KIAA1958: variants seen among roughly 807,000 people sequenced by gnomAD.
KIAA1958 encodes the protein uncharacterized protein KIAA1958.
Under a neutral mutation model 47.2 loss-of-function variants are expected in KIAA1958, and 14 were observed. That is an observed-to-expected ratio of 0.30 (90% CI 0.20 to 0.46). The LOEUF is 0.46. KIAA1958 is among the 20% of genes least tolerant of loss of function. The probability of loss-of-function intolerance (pLI) is 1.00; values close to 1 mark genes in which losing one functional copy is unlikely to be tolerated. For missense variants in KIAA1958, 803 were observed against 909.2 expected (o/e 0.88, Z 1.50); for synonymous variants, 354 against 353.3 (o/e 1.00, Z -0.02).
At chr9:112,638,624 A>C (rs1308747110) in intron 2 of KIAA1958, among the ~76,000 whole-genome samples, 1 of 152,136 alleles carries the variant, frequency 6.6e-6, no homozygotes, top group Admixed American at 6.5e-5. Flanking sequence ...AAGCTTCTGG[A>C]ATCTGTAGAC....
intron 1 of KIAA1958, among the ~76,000 whole-genome samples, chr9:112,507,708 T>C (rs1046537231): frequency 6.6e-6 from 1 of 152,186 alleles, no homozygotes; most frequent in Non-Finnish European, 1.5e-5. Context: ...ATCAAACATC[T>C]ATACCTATAA....
In KIAA1958 at chr9:112,521,086, TA is replaced by T. The variant is rs952677198; in HGVS notation, c.-25+33975del. On this transcript the variant is annotated intron_variant, in intron 1 of 3. Transcript: ENST00000337530. The stretch of plus-strand genomic sequence containing the variant: ...TAATATTTAAACAATATTTTTCAAT[TA>T]AAAAAATTTTCTAATAAAGGCATGT... Among the ~76,000 whole-genome samples, 437 of 152,294 alleles carry T rather than the reference TA, an allele frequency of 2.9e-3. 3 individuals carry two copies. The highest frequency in any genetic ancestry group is 1.0e-2 in the African/African-American group (414 of 41,558).
intron 1 of KIAA1958, among the ~76,000 whole-genome samples, chr9:112,546,288 A>C (rs1213260837): frequency 6.6e-6 from 1 of 152,220 alleles, no homozygotes; most frequent in Non-Finnish European, 1.5e-5. Context: ...TCATCATGGC[A>C]ATGTAGGGAA....
chr9:112,610,793 AATAAC>A (rs1221130329), intron 2 of KIAA1958, among the ~76,000 whole-genome samples: 2 of 152,180 alleles, frequency 1.3e-5, no homozygotes, highest in Non-Finnish European at 2.9e-5. Flanking sequence ...ATGTAACAGA[AATAAC>A]ATAAAATAGA....
chr9:112,488,384 G>A (rs1833907040), intron 1 of KIAA1958, among the ~76,000 whole-genome samples: 1 of 152,154 alleles, frequency 6.6e-6, no homozygotes. Context: ...CGGTTGCTGT[G>A]TATTGTAGAT....
intron 1 of KIAA1958, among the ~76,000 whole-genome samples, chr9:112,565,878 C>T (rs1192692776): frequency 2.0e-5 from 3 of 152,290 alleles, no homozygotes; most frequent in South Asian, 4.1e-4. Flanking sequence ...ATAAAAGCAA[C>T]TTAATGTTTA....
rs1486849079 is a variant in KIAA1958, at chr9:112,663,473, T to G, written c.*3404T>G. ...CCACTTATTTCTTCCATTATGGAGA[T>G]TCTGTCTCCCTTAAACTGTTAAACT... On this transcript the variant is annotated 3_prime_UTR_variant, in exon 4 of 4. Transcript: ENST00000337530. 6.6e-6 allele frequency: 1 copy of G among 152,228 alleles called. No homozygotes were observed. The highest frequency in any genetic ancestry group is 1.9e-4 in the East Asian group (1 of 5,208). 9.4% of individuals were successfully genotyped at this position (152,228 alleles called of 1,614,324 possible).
rs116486255 is a variant in KIAA1958 at position 112,596,126 on chromosome 9, G to A, written c.1171+20875G>A. On this transcript the variant is annotated intron_variant, in intron 2 of 3. Transcript: ENST00000337530. ...ATGGAGTATACAGTAAAAAAAGCTGGGACCTCTAGGACAACAAGTGAAATG... is the reference window on the plus strand; with the variant it reads ...ATGGAGTATACAGTAAAAAAAGCTGAGACCTCTAGGACAACAAGTGAAATG... Among the ~76,000 whole-genome samples the A allele has an allele frequency of 6.2e-3, 939 of 152,102 alleles. 18 individuals carry two copies. The highest frequency in any genetic ancestry group is 0.021 in the African/African-American group (883 of 41,486).
At chr9:112,523,063 C>A (rs1834576473) in intron 1 of KIAA1958, among the ~76,000 whole-genome samples, 1 of 152,176 alleles carries the variant, frequency 6.6e-6, no homozygotes, top group Non-Finnish European at 1.5e-5. Flanking sequence ...CACAGCACAG[C>A]TAGATACCAT....
chr9:112,571,317 T>C (rs1297357976), intron 1 of KIAA1958, among the ~76,000 whole-genome samples: 2 of 152,194 alleles, frequency 1.3e-5, no homozygotes, highest in African/African-American at 4.8e-5. Context: ...AATAACAAGG[T>C]AATAGTTCCA....
intron 1 of KIAA1958, among the ~76,000 whole-genome samples, chr9:112,542,388 T>G (rs964282019): frequency 2.0e-5 from 3 of 152,120 alleles, no homozygotes; most frequent in African/African-American, 7.2e-5. Flanking sequence ...AAGAATATAT[T>G]CATGAATATA....
chr9:112,502,823 C>G (rs1016766538), intron 1 of KIAA1958, among the ~76,000 whole-genome samples: 3 of 152,060 alleles, frequency 2.0e-5, no homozygotes, highest in Admixed American at 6.6e-5. Flanking sequence ...GTTTGCTGAC[C>G]CCTGCATTAG....
intron 1 of KIAA1958, among the ~76,000 whole-genome samples, chr9:112,554,428 G>A (rs1291122471): frequency 6.6e-6 from 1 of 152,046 alleles, no homozygotes; most frequent in Non-Finnish European, 1.5e-5. Context: ...AACCCGGGAG[G>A]CAGAGGTTGC....
intron 2 of KIAA1958, among the ~76,000 whole-genome samples, chr9:112,628,511 C>A (rs1836657468): frequency 6.6e-6 from 1 of 152,150 alleles, no homozygotes; most frequent in African/African-American, 2.4e-5. Context: ...TACCTCTGTC[C>A]ATTGGCCTCC....
chr9:112,565,914 A>G (rs994775883), intron 1 of KIAA1958, among the ~76,000 whole-genome samples: 1 of 152,128 alleles, frequency 6.6e-6, no homozygotes, highest in Non-Finnish European at 1.5e-5. Flanking sequence ...TTATTTATTT[A>G]TTTATTTGAG....
At chr9:112,489,224 T>G (rs902900867) in intron 1 of KIAA1958, among the ~76,000 whole-genome samples, 2 of 152,230 alleles carry the variant, frequency 1.3e-5, no homozygotes, top group South Asian at 2.1e-4. Context: ...ATATACGTAC[T>G]CTTCCTTAGC....
In KIAA1958 at chr9:112,579,382, TCTCTC is replaced by T. The variant is rs1045800298; in HGVS notation, c.1171+4143_1171+4147del. Among the ~76,000 whole-genome samples, 6 of 152,110 alleles carry T rather than the reference TCTCTC, an allele frequency of 3.9e-5. No individual in the cohort carries two copies. The East Asian group carries it at 5.8e-4, about 15-fold the overall frequency. On this transcript the variant is annotated intron_variant, in intron 2 of 3. Transcript: ENST00000337530. ...TCTTATTCTTTTATGGTTTTCTTTC[TCTCTC>T]CTCTCCTCTCCCTTTCTTTTTTTGA...
chr9:112,587,231 C>A (rs1835841708), intron 2 of KIAA1958, among the ~76,000 whole-genome samples: 1 of 152,104 alleles, frequency 6.6e-6, no homozygotes, highest in Admixed American at 6.5e-5. Context: ...CTCACTGCAA[C>A]CCCCGCCTCC....
chr9:112,553,299 G>T (rs886807486), intron 1 of KIAA1958, among the ~76,000 whole-genome samples: 3 of 151,644 alleles, frequency 2.0e-5, no homozygotes, highest in African/African-American at 4.8e-5. Context: ...CATTCCTCCT[G>T]GCTTCAGCCT....
Sources: gnomAD v4.1 joint callset for allele counts (sites outside exome capture counted in the v4.1 genomes callset) on GRCh38, gnomAD v4.1.1 for gene constraint, MANE v1.5 for transcripts, NCBI Gene and HGNC (gene_info 2026-07-23, HGNC 2026-07-21) for gene names.